RHCE: variants seen among roughly 807,000 people sequenced by gnomAD.
The protein encoded by RHCE is blood group Rh(CE) polypeptide.
RHCE carries 22 observed loss-of-function variants against 43.8 expected under a neutral mutation model. The ratio of observed to expected loss-of-function variants is 0.50; its 90% CI spans 0.36 to 0.72. The LOEUF is 0.72. RHCE is among the 30% of genes least tolerant of loss of function. RHCE has a pLI of 0.00. For synonymous variants in RHCE, 156 were observed against 210.7 expected, an observed-to-expected ratio of 0.74 and a Z score of 2.25; for missense variants, 385 against 525.4, an observed-to-expected ratio of 0.73 and a Z score of 2.61.
intron 2 of RHCE, among the ~76,000 whole-genome samples, chr1:25,406,230 C>T (rs1477809567): frequency 1.6e-5 from 1 of 60,926 alleles, no homozygotes. Context: ...TGTGTGTATG[C>T]GGGCGTGCGT....
intron 3 of RHCE, among the ~76,000 whole-genome samples, chr1:25,395,328 G>A (rs942412350): frequency 6.6e-6 from 1 of 151,042 alleles, no homozygotes; most frequent in Non-Finnish European, 1.5e-5. Flanking sequence ...GGAACAAGTG[G>A]AGGTGGATGG....
upstream of RHCE, among the ~76,000 whole-genome samples, chr1:25,424,395 G>GC (rs1231483186): frequency 6.8e-6 from 1 of 147,672 alleles, no homozygotes; most frequent in Non-Finnish European, 1.5e-5. Context: ...TTTTTGCTGT[G>GC]TTTTTTTTTT....
Position 25,412,734 on chromosome 1 carries a change from A to AT in RHCE, c.149-3866_149-3865insA, listed in dbSNP as rs1557640688. Among the ~76,000 whole-genome samples, 63 of 150,584 alleles carry AT rather than the reference A, an allele frequency of 4.2e-4. 1 individual carries two copies. Among genetic ancestry groups the AT allele is most frequent in the African/African-American group, 1.5e-3 (61 of 41,138 alleles). ...TTTTTTTAAAAAAAAAAAAAAAAAA[A>AT]AAAAAAAAGGCCGGGCACAGTGGCT... is the stretch of plus-strand genomic sequence containing the variant. On this transcript the variant is annotated intron_variant, in intron 1 of 9. Coordinates refer to ENST00000294413, the MANE Select transcript of RHCE (RefSeq NM_020485.8).
At chr1:25,404,063 G>C (rs945037545) in intron 2 of RHCE, among the ~76,000 whole-genome samples, 40 of 150,346 alleles carry the variant, frequency 2.7e-4, no homozygotes, top group Non-Finnish European at 1.0e-4. Context: ...AGCCACTCTC[G>C]AGGCTGAGGC....
intron 3 of RHCE, among the ~76,000 whole-genome samples, chr1:25,401,931 C>A (rs1571893445): frequency 6.6e-6 from 1 of 151,982 alleles, no homozygotes; most frequent in East Asian, 1.9e-4. Flanking sequence ...GGCTGCAGTG[C>A]AATGGCGCGA....
At chr1:25,409,903 T>C (rs893405144) in intron 1 of RHCE, among the ~76,000 whole-genome samples, 2 of 152,038 alleles carry the variant, frequency 1.3e-5, no homozygotes, top group African/African-American at 4.8e-5. Context: ...AGATTTTTTT[T>C]TTTTAATTTT....
chr1:25,389,904 C>G (rs2375324), intron 5 of RHCE, among the ~76,000 whole-genome samples: 1 of 152,134 alleles, frequency 6.6e-6, no homozygotes, highest in Admixed American at 6.5e-5. Context: ...CTTCCCTGAG[C>G]TGACACCCAC....
intron 7 of RHCE, among the ~76,000 whole-genome samples, chr1:25,381,294 C>T (rs1469839229): frequency 6.6e-6 from 1 of 152,068 alleles, no homozygotes; most frequent in African/African-American, 2.4e-5. Flanking sequence ...CATCTGAGAC[C>T]TCATCAGAAT....
intron 9 of RHCE, among the ~76,000 whole-genome samples, chr1:25,368,953 GT>G (rs1478049008): frequency 5.9e-5 from 9 of 151,692 alleles, no homozygotes; most frequent in Non-Finnish European, 1.3e-4. Context: ...TGGAGACGGG[GT>G]TTCACCGGGT....
At chr1:25,410,891 A>T (rs1212991032) in intron 1 of RHCE, among the ~76,000 whole-genome samples, 1 of 152,070 alleles carries the variant, frequency 6.6e-6, no homozygotes, top group Non-Finnish European at 1.5e-5. Flanking sequence ...GCAGTTCGAG[A>T]CTAGCCTGGC....
intron 1 of RHCE, among the ~76,000 whole-genome samples, chr1:25,420,345 C>T (rs889163862): frequency 3.3e-5 from 5 of 152,032 alleles, no homozygotes; most frequent in African/African-American, 1.2e-4. Context: ...AGCAGAGAAG[C>T]AGAGAATTAT....
At chr1:25,369,679 T>G (rs1645544870) in intron 9 of RHCE, among the ~76,000 whole-genome samples, 1 of 151,220 alleles carries the variant, frequency 6.6e-6, no homozygotes, top group South Asian at 2.1e-4. Flanking sequence ...TTGTTATCAT[T>G]TATCAAGAGC....
intron 7 of RHCE, among the ~76,000 whole-genome samples, chr1:25,379,819 C>T (rs1410784875): frequency 2.0e-5 from 3 of 152,096 alleles, no homozygotes; most frequent in South Asian, 2.1e-4. Flanking sequence ...GAATTACAGG[C>T]ACATGCCACA....
At chr1:25,385,388 C>G (rs1480533574) in intron 7 of RHCE, 5 of 412,746 alleles carry the variant, frequency 1.2e-5, no homozygotes, top group Middle Eastern at 7.8e-4. Context: ...CAGCAAAGCT[C>G]TGCATCACGA....
intron 2 of RHCE, among the ~76,000 whole-genome samples, chr1:25,425,979 T>G (rs2042802809): frequency 1.3e-5 from 2 of 152,224 alleles, no homozygotes. Flanking sequence ...AATTCTGGCT[T>G]TGGAATGAGC....
intron 2 of RHCE, among the ~76,000 whole-genome samples, chr1:25,428,495 A>G (rs1353648182): frequency 1.3e-5 from 2 of 152,220 alleles, no homozygotes; most frequent in African/African-American, 2.4e-5. Context: ...CTTTGAGCTC[A>G]CAGAGTTTGT....
intron 1 of RHCE, among the ~76,000 whole-genome samples, chr1:25,410,755 G>C (rs1324688065): frequency 6.6e-6 from 1 of 152,064 alleles, no homozygotes; most frequent in African/African-American, 2.4e-5. Context: ...AGTTCACATA[G>C]CTCTGTTCGA....
chr1:25,383,987 T>C (rs1193936571), intron 7 of RHCE, among the ~76,000 whole-genome samples: 9 of 152,074 alleles, frequency 5.9e-5, no homozygotes, highest in Non-Finnish European at 1.0e-4. Context: ...TTTTTGGCTA[T>C]AGGTCAGTGG....
In RHCE at chr1:25,392,096, A is replaced by T; in HGVS notation, c.532T>A (p.Tyr178Asn). Reference sequence around the variant, plus strand: ...CACCAGGCCACAGTCAGCCCAAAATAGGCTGCGAACACGTAGAAGTGCCTC... The same window carrying T: ...CACCAGGCCACAGTCAGCCCAAAATTGGCTGCGAACACGTAGAAGTGCCTC... The part of the protein sequence containing the change: ...NLRHFYVFAA[Y>N]FGLTVAWCLP... Residue 178 changes from tyrosine (Y) to asparagine (N), a missense_variant, in exon 4 of 10, where the codon TAT (tyrosine) becomes AAT (asparagine). Physicochemically the swap from Tyr to Asn is moderately radical, Grantham distance 143 (BLOSUM62 -2). Around this residue, in one of 6 missense-constraint regions of RHCE, gnomAD observed 110 missense variants for 103.4 expected, o/e 1.06. Coordinates refer to ENST00000294413, the MANE Select transcript of RHCE (RefSeq NM_020485.8). 1 of 1,614,146 alleles carries T rather than the reference A, an allele frequency of 6.2e-7. No individual in the cohort carries two copies. The highest frequency in any genetic ancestry group is 1.1e-5 in the South Asian group (1 of 91,082).
Sources: gnomAD v4.1 joint callset for allele counts (sites outside exome capture counted in the v4.1 genomes callset) on GRCh38, gnomAD v4.1.1 for gene constraint, gnomAD v4.1.1 regional missense constraint, MANE v1.5 for transcripts, NCBI Gene and HGNC (gene_info 2026-07-23, HGNC 2026-07-21) for gene names.